The following RPL26L1 variants were observed in gnomAD, a reference collection of about 807,000 sequenced individuals.
RPL26L1 encodes the protein ribosomal protein L26 like 1.
Under a neutral mutation model 15.2 loss-of-function variants are expected in RPL26L1, and 8 were observed. That is an observed-to-expected ratio of 0.53 (90% CI 0.31 to 0.95). The LOEUF is 0.95. RPL26L1 is among the 40% of genes least tolerant of loss of function. RPL26L1 has a pLI of 0.05. For synonymous variants in RPL26L1, 51 were observed against 65.9 expected (o/e 0.77, Z 1.09); for missense variants, 146 against 190.9 (o/e 0.76, Z 1.39).
intron 2 of RPL26L1, among the ~76,000 whole-genome samples, chr5:172,966,968 G>A (rs1037596752): frequency 2.6e-5 from 4 of 151,506 alleles, no homozygotes; most frequent in Non-Finnish European, 4.4e-5. Context: ...TGATTCTCCT[G>A]CCTCAGCCCC....
At chr5:172,959,248 G>A (rs1755117323), upstream of RPL26L1, 1 of 323,796 alleles carries the variant, frequency 3.1e-6, no homozygotes, top group Non-Finnish European at 4.4e-6. Context: ...ACACCAGTAA[G>A]CCTCTACCGC....
At chr5:172,956,612 C>T (rs1258404493), upstream of RPL26L1, among the ~76,000 whole-genome samples, 1 of 152,206 alleles carries the variant, frequency 6.6e-6, no homozygotes, top group Non-Finnish European at 1.5e-5. Context: ...AGTTCTTCCT[C>T]TGTGCCAGGT....
At chr5:172,956,357 G>A (rs1386195076), upstream of RPL26L1, among the ~76,000 whole-genome samples, 1 of 151,994 alleles carries the variant, frequency 6.6e-6, no homozygotes, top group Non-Finnish European at 1.5e-5. Flanking sequence ...ATCTTTATGG[G>A]CTGCAAGATA....
rs181902306 is a variant in RPL26L1, at chr5:172,963,789, T to C, written c.168+3748T>C. Among the ~76,000 whole-genome samples, 357 of 152,310 alleles carry C rather than the reference T, an allele frequency of 2.3e-3. 2 individuals are homozygous for C. The highest frequency in any genetic ancestry group is 4.0e-3 in the Non-Finnish European group (269 of 68,030). ...CAGTTTTGGCAAATGTAAAACCAAA[T>C]AGCCATTACCCTAATTATGATTAGA... On this transcript the variant is annotated intron_variant, in intron 2 of 3. Coordinates refer to ENST00000265100, the MANE Select transcript of RPL26L1 (RefSeq NM_016093.4).
upstream of RPL26L1, chr5:172,958,679 T>A (rs2113518637): frequency 4.1e-6 from 1 of 243,828 alleles, no homozygotes; most frequent in South Asian, 4.1e-5. Flanking sequence ...AGTGTCGGCC[T>A]AGCCAGTGGT....
At chr5:172,963,767 T>G (rs1006059993) in intron 2 of RPL26L1, among the ~76,000 whole-genome samples, 1 of 152,240 alleles carries the variant, frequency 6.6e-6, no homozygotes, top group Non-Finnish European at 1.5e-5. Flanking sequence ...CACAGGTCAG[T>G]TTTGGCAAAT....
At chr5:172,958,285 T>G, upstream of RPL26L1, 1 of 231,640 alleles carries the variant, frequency 4.3e-6, no homozygotes, top group Non-Finnish European at 8.6e-6. Context: ...AAAAAAAAAA[T>G]CTAGTATTAG....
intron 2 of RPL26L1, among the ~76,000 whole-genome samples, chr5:172,967,547 G>C (rs1755502945): frequency 6.6e-6 from 1 of 152,024 alleles, no homozygotes; most frequent in African/African-American, 2.4e-5. Context: ...TAGATTTTTA[G>C]TACAGTAAAA....
chr5:172,955,321 G>T, upstream of RPL26L1: 2 of 280,160 alleles, frequency 7.1e-6, no homozygotes, highest in Non-Finnish European at 1.4e-5. Context: ...GAGAAACAGG[G>T]TTTCACCATA....
upstream of RPL26L1, among the ~76,000 whole-genome samples, chr5:172,954,484 GGGGGGGAAGT>G (rs377687942): frequency 2.7e-5 from 4 of 150,884 alleles, no homozygotes; most frequent in African/African-American, 9.8e-5. Context: ...CAGGGGCGGC[GGGGGGGAAGT>G]GGGGGGAGTG....
chr5:172,954,430 G>A (rs1051527754), upstream of RPL26L1, among the ~76,000 whole-genome samples: 2 of 150,476 alleles, frequency 1.3e-5, no homozygotes, highest in African/African-American at 2.5e-5. Context: ...ATTAGTGGGC[G>A]TGGTGGCCTG....
chr5:172,958,411 C>CT (rs1320482357), upstream of RPL26L1: 10 of 456,128 alleles, frequency 2.2e-5, no homozygotes, highest in Admixed American at 9.4e-5. Flanking sequence ...TCTTCCCTCT[C>CT]TGAGTTTCAG....
intron 2 of RPL26L1, among the ~76,000 whole-genome samples, chr5:172,966,093 T>A (rs1052098606): frequency 1.3e-5 from 2 of 152,150 alleles, no homozygotes; most frequent in Non-Finnish European, 2.9e-5. Context: ...TCCTCTTCAC[T>A]ATGTCCAGAG....
intron 2 of RPL26L1, among the ~76,000 whole-genome samples, chr5:172,961,279 G>A (rs181871138): frequency 8.5e-4 from 130 of 152,218 alleles, no homozygotes; most frequent in Admixed American, 2.9e-3. Context: ...CCTCTCTCCT[G>A]GATCCTTCCC....
intron 2 of RPL26L1, among the ~76,000 whole-genome samples, chr5:172,962,962 T>A (rs574500592): frequency 1.6e-3 from 242 of 152,240 alleles, no homozygotes; most frequent in Non-Finnish European, 2.8e-3. Flanking sequence ...ATATAAAGGA[T>A]GCTATGATAT....
At chr5:172,966,083 T>TC (rs1381173362) in intron 2 of RPL26L1, among the ~76,000 whole-genome samples, 2 of 152,168 alleles carry the variant, frequency 1.3e-5, no homozygotes, top group African/African-American at 4.8e-5. Flanking sequence ...TCTCCTGTCT[T>TC]CCTCTTCACT....
chr5:172,966,723 C>T (rs1755467949), intron 2 of RPL26L1, among the ~76,000 whole-genome samples: 1 of 152,072 alleles, frequency 6.6e-6, no homozygotes, highest in Non-Finnish European at 1.5e-5. Flanking sequence ...ATATGATTGT[C>T]CTCTTCAACC....
At chr5:172,960,926 G>C (rs898832674) in intron 2 of RPL26L1, among the ~76,000 whole-genome samples, 1 of 118,558 alleles carries the variant, frequency 8.4e-6, no homozygotes, top group African/African-American at 3.2e-5. Flanking sequence ...GGGGGGTGGG[G>C]GCTGTCCTGT....
intron 2 of RPL26L1, among the ~76,000 whole-genome samples, chr5:172,965,288 T>G (rs1268172284): frequency 6.6e-6 from 1 of 152,232 alleles, no homozygotes; most frequent in Non-Finnish European, 1.5e-5. Context: ...TCCCTTATCT[T>G]CTTTCTCTGT....
Sources: allele counts gnomAD v4.1 joint callset (sites outside exome capture counted in the v4.1 genomes callset), GRCh38; gene constraint gnomAD v4.1.1; transcripts MANE v1.5; gene names NCBI Gene and HGNC (gene_info 2026-07-23, HGNC 2026-07-21).